Variants in ZNF407 observed in about 807,000 individuals in gnomAD.
The protein encoded by ZNF407 is zinc finger protein 407.
Under a neutral mutation model 131.2 loss-of-function variants are expected in ZNF407, and 17 were observed. The observed-to-expected ratio is 0.13, with a 90% CI of 0.09 to 0.19. The LOEUF (loss-of-function observed/expected upper bound fraction) is 0.19, where lower values mean the gene tolerates loss of function less well. Among genes scored for constraint, ZNF407 ranks in the 10% least tolerant of loss-of-function variants. ZNF407 has a pLI of 1.00. For synonymous variants in ZNF407, 1,156 were observed against 1,062.0 expected, an observed-to-expected ratio of 1.09 and a Z score of -1.72; for missense variants, 2,681 against 2,830.6, an observed-to-expected ratio of 0.95 and a Z score of 1.20.
chr18:74,655,548 T>C (rs1985414850), intron 3 of ZNF407, among the ~76,000 whole-genome samples: 1 of 152,118 alleles, frequency 6.6e-6, no homozygotes, highest in South Asian at 2.1e-4. Flanking sequence ...TTCATAAATA[T>C]AACTGTATGA....
At chr18:74,768,814 T>C (rs1969300080) in intron 3 of ZNF407, among the ~76,000 whole-genome samples, 2 of 152,216 alleles carry the variant, frequency 1.3e-5, no homozygotes, top group South Asian at 4.1e-4. Flanking sequence ...TTGGCCATAG[T>C]GTTCTCTCAC....
At chr18:74,660,445 C>T (rs980564552) in intron 3 of ZNF407, among the ~76,000 whole-genome samples, 4 of 152,052 alleles carry the variant, frequency 2.6e-5, no homozygotes, top group Non-Finnish European at 5.9e-5. Context: ...TTTTGCCTCA[C>T]GTCCTGTCAT....
At chr18:74,938,208 G>A (rs1397274927) in intron 8 of ZNF407, among the ~76,000 whole-genome samples, 6 of 152,112 alleles carry the variant, frequency 3.9e-5, no homozygotes, top group African/African-American at 1.4e-4. Flanking sequence ...TAATTGTCTT[G>A]ATATGTCTTT....
intron 3 of ZNF407, among the ~76,000 whole-genome samples, chr18:74,717,099 G>A (rs1479979877): frequency 1.3e-5 from 2 of 152,098 alleles, no homozygotes; most frequent in Non-Finnish European, 2.9e-5. Flanking sequence ...GTATGTGTAC[G>A]CATGTGTATC....
intron 7 of ZNF407, among the ~76,000 whole-genome samples, chr18:74,891,217 C>T (rs568383729): frequency 6.6e-6 from 1 of 152,146 alleles, no homozygotes; most frequent in Non-Finnish European, 1.5e-5. Flanking sequence ...TGTGGGACCC[C>T]ACATAGTTTG....
intron 4 of ZNF407, among the ~76,000 whole-genome samples, chr18:74,784,537 G>A (rs1488960625): frequency 6.6e-6 from 1 of 152,122 alleles, no homozygotes; most frequent in Non-Finnish European, 1.5e-5. Context: ...TGAGGTGATG[G>A]CTTGTGTAAG....
In ZNF407 at chr18:75,004,502, C is replaced by T. The variant is rs559283965; in HGVS notation, c.5429-58648C>T. On this transcript the variant is annotated intron_variant, in intron 8 of 8. Transcript: ENST00000299687. ...ATGCTGTTGCCTGCTGGTGCTTCCT[C>T]GGGAATAAAACGAGAGCGGCATTGG... Among the ~76,000 whole-genome samples the T allele has an allele frequency of 7.9e-5, 12 of 152,216 alleles. 1 individual carries two copies. Among genetic ancestry groups the T allele is most frequent in the Admixed American group, 7.2e-4 (11 of 15,292 alleles).
chr18:74,677,403 A>T (rs1019458269), intron 3 of ZNF407, among the ~76,000 whole-genome samples: 2 of 152,086 alleles, frequency 1.3e-5, no homozygotes, highest in Admixed American at 1.3e-4. Context: ...CTTTTAATTT[A>T]TTCTAAATCT....
At chr18:74,678,683 A>G (rs1246630639) in intron 3 of ZNF407, among the ~76,000 whole-genome samples, 2 of 152,218 alleles carry the variant, frequency 1.3e-5, no homozygotes, top group Non-Finnish European at 2.9e-5. Flanking sequence ...TGTCCTCAGC[A>G]CGAGGGTTGG....
At chr18:74,739,668 A>C (rs904850543) in intron 3 of ZNF407, among the ~76,000 whole-genome samples, 1 of 152,148 alleles carries the variant, frequency 6.6e-6, no homozygotes, top group South Asian at 2.1e-4. Context: ...AAAATACACT[A>C]TGAAGGAGGA....
At chr18:74,861,754 C>T (rs772832519) in intron 4 of ZNF407, among the ~76,000 whole-genome samples, 4 of 151,914 alleles carry the variant, frequency 2.6e-5, no homozygotes, top group Admixed American at 1.3e-4. Context: ...CTTTTATATT[C>T]GTGTTATATT....
intron 7 of ZNF407, among the ~76,000 whole-genome samples, chr18:74,895,491 T>C (rs1204058597): frequency 6.6e-6 from 1 of 152,162 alleles, no homozygotes; most frequent in Non-Finnish European, 1.5e-5. Context: ...TTTAATTTAA[T>C]AGAATTTTGT....
chr18:74,717,656 C>T (rs910708618), intron 3 of ZNF407, among the ~76,000 whole-genome samples: 36 of 152,098 alleles, frequency 2.4e-4, no homozygotes, highest in African/African-American at 7.7e-4. Flanking sequence ...CAAAACACCA[C>T]CCAAACTAGA....
chr18:75,050,646 C>T (rs1017731799), intron 8 of ZNF407, among the ~76,000 whole-genome samples: 7 of 152,214 alleles, frequency 4.6e-5, no homozygotes, highest in African/African-American at 1.7e-4. Flanking sequence ...AGTAAGCTTG[C>T]CTGTTCTCTG....
At chr18:74,809,110 G>A (rs1008721350) in intron 4 of ZNF407, among the ~76,000 whole-genome samples, 2 of 152,080 alleles carry the variant, frequency 1.3e-5, no homozygotes, top group African/African-American at 2.4e-5. Flanking sequence ...AAAAAAAACA[G>A]CAAAACGTCA....
At chr18:74,757,575 A>G (rs1360316980) in intron 3 of ZNF407, among the ~76,000 whole-genome samples, 1 of 152,086 alleles carries the variant, frequency 6.6e-6, no homozygotes, top group Non-Finnish European at 1.5e-5. Flanking sequence ...ATCCTATCAT[A>G]TGATCAGTTC....
intron 1 of ZNF407, among the ~76,000 whole-genome samples, chr18:74,605,608 T>G (rs1242699146): frequency 6.6e-6 from 1 of 152,198 alleles, no homozygotes; most frequent in African/African-American, 2.4e-5. Context: ...CAGTTAAGGT[T>G]TTCTGTCCAG....
At chr18:74,997,940 TC>T (rs1972798726) in intron 8 of ZNF407, among the ~76,000 whole-genome samples, 1 of 152,256 alleles carries the variant, frequency 6.6e-6, no homozygotes. Context: ...TTTTCTGCAA[TC>T]CTGATGCCTT....
intron 8 of ZNF407, among the ~76,000 whole-genome samples, chr18:75,051,726 C>T (rs934137313): frequency 6.6e-6 from 1 of 152,196 alleles, no homozygotes; most frequent in Admixed American, 6.5e-5. Context: ...ACAAGTGTTG[C>T]TCAAACATTG....
Sources: allele counts gnomAD v4.1 joint callset (sites outside exome capture counted in the v4.1 genomes callset), GRCh38; gene constraint gnomAD v4.1.1; transcripts MANE v1.5; gene names NCBI Gene and HGNC (gene_info 2026-07-23, HGNC 2026-07-21).